CYP7B1: variants seen among roughly 807,000 people sequenced by gnomAD.
The protein encoded by CYP7B1 is cytochrome P450 family 7 subfamily B member 1.
Under a neutral mutation model 42.7 loss-of-function variants are expected in CYP7B1, and 29 were observed. The ratio of observed to expected loss-of-function variants is 0.68; its 90% CI spans 0.51 to 0.93. The LOEUF (loss-of-function observed/expected upper bound fraction) is 0.93, where lower values mean the gene tolerates loss of function less well. Ranked by LOEUF, CYP7B1 falls within the 40% of genes least tolerant of loss-of-function variation. The pLI, the probability that CYP7B1 is intolerant of heterozygous loss-of-function variation, is 0.00. For synonymous variants in CYP7B1, 235 were observed against 218.2 expected, an observed-to-expected ratio of 1.08 and a Z score of -0.68; for missense variants, 655 against 600.5, an observed-to-expected ratio of 1.09 and a Z score of -0.95.
downstream of CYP7B1, among the ~76,000 whole-genome samples, chr8:64,590,345 T>C (rs529374089): frequency 1.3e-5 from 2 of 152,358 alleles, no homozygotes; most frequent in Non-Finnish European, 2.9e-5. Context: ...CACATTTCAT[T>C]TTCATCACCA....
chr8:64,764,228 T>TAC (rs1238959853), intron 1 of CYP7B1, among the ~76,000 whole-genome samples: 2 of 8,560 alleles, frequency 2.3e-4, no homozygotes, highest in African/African-American at 2.3e-3. Flanking sequence ...GCTTCCACGC[T>TAC]GCCCCCCCCA....
chr8:64,772,775 T>G (rs1168158541), intron 1 of CYP7B1, among the ~76,000 whole-genome samples: 1 of 152,160 alleles, frequency 6.6e-6, no homozygotes. Context: ...AAATCAAGCC[T>G]CACAATGGTC....
At chr8:64,782,723 A>G (rs748018085) in intron 1 of CYP7B1, among the ~76,000 whole-genome samples, 2 of 152,224 alleles carry the variant, frequency 1.3e-5, no homozygotes, top group Non-Finnish European at 2.9e-5. Flanking sequence ...TACCATTAAA[A>G]TGTGATTACA....
At chr8:64,705,133 A>G (rs1474555782) in intron 1 of CYP7B1, among the ~76,000 whole-genome samples, 1 of 151,956 alleles carries the variant, frequency 6.6e-6, no homozygotes, top group Non-Finnish European at 1.5e-5. Context: ...CCTCGGGGCC[A>G]AGTGTATCAG....
intron 1 of CYP7B1, among the ~76,000 whole-genome samples, chr8:64,712,923 A>G (rs1192642152): frequency 6.6e-6 from 1 of 152,148 alleles, no homozygotes; most frequent in Admixed American, 6.5e-5. Context: ...TAAGATGTCG[A>G]CAGATGCTAC....
At chr8:64,766,562 T>A (rs1807976355) in intron 1 of CYP7B1, among the ~76,000 whole-genome samples, 1 of 149,804 alleles carries the variant, frequency 6.7e-6, no homozygotes, top group South Asian at 2.1e-4. Context: ...TTCAGGCAAG[T>A]GGACTTTGGA....
In CYP7B1 at chr8:64,616,111, A is replaced by G. The variant is rs753992733; in HGVS notation, c.430T>C (p.Phe144Leu). The change falls in exon 3 of 6, where the codon TTT becomes CTT. Residue 144 changes from phenylalanine to leucine, a missense_variant. By Grantham distance (22) the Phe-to-Leu change is conservative. Coordinates refer to ENST00000310193, the MANE Select transcript of CYP7B1 (RefSeq NM_004820.5). ...ATGTCCAAAGATTTGCCTTGCAAAAATTGATAGCAGAGGTGAAGCTCATCA... is the reference window on the plus strand; with the variant it reads ...ATGTCCAAAGATTTGCCTTGCAAAAGTTGATAGCAGAGGTGAAGCTCATCA... ...MNDELHLCYQ[F>L]LQGKSLDILL... 2.5e-6 allele frequency: 4 copies of G among 1,613,638 alleles called. No homozygotes were observed. The highest frequency in any genetic ancestry group is 1.3e-5 in the African/African-American group (1 of 74,902).
chr8:64,757,643 T>C (rs1807827060), intron 1 of CYP7B1, among the ~76,000 whole-genome samples: 1 of 152,198 alleles, frequency 6.6e-6, no homozygotes, highest in Non-Finnish European at 1.5e-5. Flanking sequence ...ATTAACCAAG[T>C]TCAGCACAGG....
chr8:64,650,404 T>G (rs1424783021), intron 1 of CYP7B1, among the ~76,000 whole-genome samples: 1 of 152,190 alleles, frequency 6.6e-6, no homozygotes, highest in African/African-American at 2.4e-5. Context: ...TCCCAGCACT[T>G]TGGGAGGCTG....
At chr8:64,621,929 G>T (rs1212859302) in intron 2 of CYP7B1, among the ~76,000 whole-genome samples, 1 of 149,928 alleles carries the variant, frequency 6.7e-6, no homozygotes, top group Non-Finnish European at 1.5e-5. Flanking sequence ...TTTTTTAGTA[G>T]AGATGAGGTT....
At chr8:64,629,531 T>C (rs537768343) in intron 1 of CYP7B1, among the ~76,000 whole-genome samples, 4 of 152,364 alleles carry the variant, frequency 2.6e-5, no homozygotes, top group Admixed American at 2.6e-4. Flanking sequence ...TTTTTGTGTA[T>C]GTGGTTAAAA....
intron 1 of CYP7B1, among the ~76,000 whole-genome samples, chr8:64,696,428 A>G (rs1468366599): frequency 6.6e-6 from 1 of 152,220 alleles, no homozygotes; most frequent in Non-Finnish European, 1.5e-5. Context: ...ACTGCAAAGC[A>G]AAAAATCAGA....
chr8:64,733,162 T>C (rs952508092), intron 1 of CYP7B1, among the ~76,000 whole-genome samples: 7 of 152,104 alleles, frequency 4.6e-5, no homozygotes, highest in African/African-American at 1.4e-4. Flanking sequence ...CACACACACA[T>C]ATATAGAGAA....
intron 1 of CYP7B1, among the ~76,000 whole-genome samples, chr8:64,628,123 T>C (rs184746411): frequency 4.3e-4 from 65 of 152,332 alleles, no homozygotes; most frequent in Admixed American, 3.3e-3. Flanking sequence ...CCCTACTCCC[T>C]CATAATCTCA....
At chr8:64,680,427 A>G (rs1462840619) in intron 1 of CYP7B1, among the ~76,000 whole-genome samples, 1 of 152,150 alleles carries the variant, frequency 6.6e-6, no homozygotes, top group Non-Finnish European at 1.5e-5. Flanking sequence ...TACCCAAACC[A>G]GGTCTGTGCC....
chr8:64,763,837 A>G (rs1457921884), intron 1 of CYP7B1, among the ~76,000 whole-genome samples: 2 of 152,144 alleles, frequency 1.3e-5, no homozygotes, highest in African/African-American at 4.8e-5. Context: ...GTGTGCCCCT[A>G]CCTTTCCTTC....
intron 1 of CYP7B1, among the ~76,000 whole-genome samples, chr8:64,676,465 C>A (rs943692031): frequency 5.3e-5 from 8 of 152,046 alleles, no homozygotes; most frequent in African/African-American, 1.9e-4. Context: ...GTGAGACCAT[C>A]TAATGCAAAA....
chr8:64,690,667 C>T (rs191455279), intron 1 of CYP7B1, among the ~76,000 whole-genome samples: 3 of 152,042 alleles, frequency 2.0e-5, no homozygotes, highest in Admixed American at 6.5e-5. Context: ...TGTTGAGCCA[C>T]GGTTAAAGAA....
At position 64,724,968 on chromosome 8, in the gene CYP7B1, C is replaced by T. The variant is rs79088467; in HGVS notation, c.122+73498G>A. Among the ~76,000 whole-genome samples, 237 of 152,288 alleles carry T rather than the reference C, an allele frequency of 1.6e-3. 4 individuals carry two copies. In the East Asian group the frequency reaches 0.036, roughly 23 times the overall value. On this transcript the variant is annotated intron_variant, in intron 1 of 5. Coordinates refer to ENST00000310193, the MANE Select transcript of CYP7B1 (RefSeq NM_004820.5). ...AGAAATTCTCTGACCTAACCTTGTC[C>T]GATAGTACGTCATAAGACCCTCATT...
Sources: gnomAD v4.1 joint callset for allele counts (sites outside exome capture counted in the v4.1 genomes callset) on GRCh38, gnomAD v4.1.1 for gene constraint, MANE v1.5 for transcripts, NCBI Gene and HGNC (gene_info 2026-07-23, HGNC 2026-07-21) for gene names.